The following RUFY2 variants were observed in gnomAD, a reference collection of about 807,000 sequenced individuals.
RUFY2 encodes RUN and FYVE domain-containing protein 2.
In RUFY2, 49 loss-of-function variants were observed where a neutral mutation model predicts 94.4. The observed-to-expected ratio is 0.52, with a 90% CI of 0.41 to 0.66. RUFY2 has a LOEUF of 0.66. Among genes scored for constraint, RUFY2 ranks in the 30% least tolerant of loss-of-function variants. The probability of loss-of-function intolerance (pLI) is 0.00; values close to 1 mark genes in which losing one functional copy is unlikely to be tolerated. For missense variants in RUFY2, 541 were observed against 692.8 expected, an observed-to-expected ratio of 0.78 and a Z score of 2.46; for synonymous variants, 255 against 235.7, an observed-to-expected ratio of 1.08 and a Z score of -0.75.
At chr10:68,361,000 G>A (rs2047424472) in intron 15 of RUFY2, among the ~76,000 whole-genome samples, 2 of 151,864 alleles carry the variant, frequency 1.3e-5, no homozygotes, top group Admixed American at 6.6e-5. Flanking sequence ...ATGAAGTGAG[G>A]GGCCGGGCGT....
rs191975917 is a variant in RUFY2, at chr10:68,355,576, C to G, written c.1551-175G>C. ...TATTTTCCTATATTTTCTAAATGTC[C>G]TAAAGCAAAAATATTTTAGATTTAA... On this transcript the variant is annotated intron_variant, in intron 15 of 17. Transcript: ENST00000602465. The G allele has an allele frequency of 9.4e-4, 434 of 459,362 alleles. 2 individuals carry two copies. The Admixed American group carries it at 0.012, about 12-fold the overall frequency. 28.5% of individuals were successfully genotyped at this position (459,362 alleles called of 1,614,324 possible). A position where few individuals can be genotyped will look rare whatever the true frequency, so the allele number is the denominator to read the frequency against.
chr10:68,382,713 CAAAAAAAAAAA>C (rs1275714576), intron 10 of RUFY2, among the ~76,000 whole-genome samples: 2 of 59,134 alleles, frequency 3.4e-5, no homozygotes, highest in East Asian at 4.7e-4. Flanking sequence ...GACTCTATCT[CAAAAAAAAAAA>C]AAAAGAAAAA....
At chr10:68,376,481 T>TAG (rs2048675413) in intron 13 of RUFY2, among the ~76,000 whole-genome samples, 1 of 69,402 alleles carries the variant, frequency 1.4e-5, no homozygotes, top group East Asian at 6.7e-4. Context: ...TATATATATA[T>TAG]ATATATATAT....
chr10:68,398,746 A>C (rs1229430248), intron 3 of RUFY2, among the ~76,000 whole-genome samples: 1 of 151,782 alleles, frequency 6.6e-6, no homozygotes, highest in Non-Finnish European at 1.5e-5. Flanking sequence ...ATATTTTCTT[A>C]TGCAGAGAAC....
chr10:68,369,816 C>T (rs2048131359), intron 13 of RUFY2, among the ~76,000 whole-genome samples: 1 of 152,096 alleles, frequency 6.6e-6, no homozygotes, highest in African/African-American at 2.4e-5. Context: ...CGGTACACCC[C>T]TCTTGCCCTG....
chr10:68,406,656 G>T (rs1290202649), intron 1 of RUFY2: 1 of 1,174,644 alleles, frequency 8.5e-7, no homozygotes. Context: ...ACCTTGCCGG[G>T]GCCTAGAGCC....
chr10:68,394,652 C>T lies in RUFY2; in HGVS notation c.399-201G>A, dbSNP rs376276145. On this transcript the variant is annotated intron_variant, in intron 4 of 17. Transcript: ENST00000602465. ...ATTTATTAATTTTTTTTTTTTGAGA[C>T]GAAGTCTTGCTCTTTCACCCAGGCC... Among the ~76,000 whole-genome samples the T allele has an allele frequency of 3.4e-4, 51 of 148,848 alleles. No homozygotes were observed. The South Asian group carries it at 9.9e-3, about 29-fold the overall frequency.
Position 68,407,179 on chromosome 10 carries a change from G to T in RUFY2, c.4+7C>A. On this transcript the variant is annotated splice_region_variant and intron_variant, in intron 1 of 17. Coordinates refer to ENST00000602465, the MANE Select transcript of RUFY2 (RefSeq NM_001330103.2). ...CCTAGCGTTCGGTTTCGGCCCGCTC[G>T]CCTTACCCATGGCGGCGGCGGCTGC... 6.9e-7 allele frequency: 1 copy of T among 1,440,936 alleles called. No individual in the cohort carries two copies. The highest frequency in any genetic ancestry group is 9.0e-7 in the Non-Finnish European group (1 of 1,110,650). 89.3% of individuals were successfully genotyped at this position (1,440,936 alleles called of 1,614,324 possible).
intron 7 of RUFY2, among the ~76,000 whole-genome samples, chr10:68,388,429 T>C (rs2049695407): frequency 6.6e-6 from 1 of 151,864 alleles, no homozygotes; most frequent in Non-Finnish European, 1.5e-5. Flanking sequence ...CGCCATTGCA[T>C]TCCAGCCTGG....
rs548961156 is a variant in RUFY2, at chr10:68,368,265, G to A, written c.1326-4152C>T. On this transcript the variant is annotated intron_variant, in intron 13 of 17. Coordinates refer to ENST00000602465, the MANE Select transcript of RUFY2 (RefSeq NM_001330103.2). The stretch of plus-strand genomic sequence containing the variant: ...TTACAGGCGTGAGCCACCAGGCCCA[G>A]CCTGTAGGTTTTTAACCACAGTAAT... 6.6e-5 allele frequency among the ~76,000 whole-genome samples: 10 copies of A among 151,402 alleles called. No homozygotes were observed. In the South Asian group the frequency reaches 2.1e-3, roughly 31 times the overall value.
At chr10:68,358,219 A>C (rs901594793) in intron 15 of RUFY2, among the ~76,000 whole-genome samples, 4 of 152,094 alleles carry the variant, frequency 2.6e-5, no homozygotes, top group African/African-American at 9.7e-5. Context: ...AAACAACAAC[A>C]AAAAAATTGG....
chr10:68,353,411 T>C (rs2046832639), intron 16 of RUFY2, among the ~76,000 whole-genome samples: 1 of 146,470 alleles, frequency 6.8e-6, no homozygotes, highest in African/African-American at 2.5e-5. Context: ...GGCAGGAGAA[T>C]CACTGAACCA....
rs1476443244 is a variant in RUFY2, at chr10:68,344,246, G to T, written c.*1522C>A. The T allele has an allele frequency of 1.3e-5, 2 of 152,070 alleles. No homozygotes were observed. The highest frequency in any genetic ancestry group is 1.5e-5 in the Non-Finnish European group (1 of 68,008). The allele number at this position is 152,070 out of a possible 1,614,324, so 9.4% of individuals were successfully genotyped here. ...CTATTCAGAAAAATTTAAATTTCATGGAAGCATATATTCATGAAGAAAAGA... is the reference window on the plus strand; with the variant it reads ...CTATTCAGAAAAATTTAAATTTCATTGAAGCATATATTCATGAAGAAAAGA... On this transcript the variant is annotated 3_prime_UTR_variant, in exon 18 of 18. Coordinates refer to ENST00000602465, the MANE Select transcript of RUFY2 (RefSeq NM_001330103.2).
At position 68,394,147 on chromosome 10, in the gene RUFY2, TAA is replaced by T. The variant is rs778371806; in HGVS notation, c.523-13_523-12del. 2 of 1,487,270 alleles carry T rather than the reference TAA, an allele frequency of 1.3e-6. No homozygotes were observed. The highest frequency in any genetic ancestry group is 1.3e-5 in the South Asian group (1 of 75,922). 92.1% of individuals were successfully genotyped at this position (1,487,270 alleles called of 1,614,324 possible). A position where few individuals can be genotyped will look rare whatever the true frequency, so the allele number is the denominator to read the frequency against. On this transcript the variant is annotated splice_polypyrimidine_tract_variant and intron_variant, in intron 5 of 17. Coordinates refer to ENST00000602465, the MANE Select transcript of RUFY2 (RefSeq NM_001330103.2). ...ATCAATCACTCCAACCTGAAGTAAA[TAA>T]AGTTTTTTTTAATTTAAAGGGGAGA...
At chr10:68,353,875 G>T (rs1285329323) in intron 16 of RUFY2, among the ~76,000 whole-genome samples, 1 of 151,922 alleles carries the variant, frequency 6.6e-6, no homozygotes, top group Non-Finnish European at 1.5e-5. Context: ...AACCTTACTT[G>T]ATTATACTGG....
chr10:68,402,595 C>T (rs2050932146), intron 2 of RUFY2, among the ~76,000 whole-genome samples: 1 of 151,768 alleles, frequency 6.6e-6, no homozygotes, highest in Non-Finnish European at 1.5e-5. Context: ...CTATTTTGGC[C>T]ATAATTTGGC....
rs769450185 is a variant in RUFY2, at chr10:68,404,814, G to C, written c.35C>G (p.Ala12Gly). ...ATKDPTAVER[A>G]NLLNMAKLSI... ...CAGTTTAGCCATGTTTAACAAGTTT[G>C]CTCTCTCTACAGCTGTGGGGTCTTT... Residue 12 changes from alanine to glycine, a missense_variant, in exon 2 of 18, where the codon GCA becomes GGA. This residue lies in a region of RUFY2 where 53 missense variants were observed against 58.6 expected (regional missense o/e 0.90). Coordinates refer to ENST00000602465, the MANE Select transcript of RUFY2 (RefSeq NM_001330103.2). The C allele has an allele frequency of 6.2e-7, 1 of 1,610,236 alleles. No individual in the cohort carries two copies. Among genetic ancestry groups the C allele is most frequent in the Non-Finnish European group, 8.5e-7 (1 of 1,178,410 alleles).
At chr10:68,374,962 C>T (rs2048528157) in intron 13 of RUFY2, among the ~76,000 whole-genome samples, 1 of 152,222 alleles carries the variant, frequency 6.6e-6, no homozygotes, top group South Asian at 2.1e-4. Flanking sequence ...AATATATATG[C>T]ATGCATGGTT....
chr10:68,341,792 T>A (rs1225376728), downstream of RUFY2: 1 of 1,609,526 alleles, frequency 6.2e-7, no homozygotes, highest in Non-Finnish European at 8.5e-7. Flanking sequence ...GTTGGAAGAA[T>A]GGGAATGGGG....
Sources: gnomAD v4.1 joint callset for allele counts (sites outside exome capture counted in the v4.1 genomes callset) on GRCh38, gnomAD v4.1.1 for gene constraint, gnomAD v4.1.1 regional missense constraint, MANE v1.5 for transcripts, NCBI Gene and HGNC (gene_info 2026-07-23, HGNC 2026-07-21) for gene names.